CFAP46: variants seen among roughly 807,000 people sequenced by gnomAD.
CFAP46 encodes the protein cilia- and flagella-associated protein 46.
Under a neutral mutation model 325.7 loss-of-function variants are expected in CFAP46, and 245 were observed. The observed-to-expected ratio is 0.75, with a 90% CI of 0.68 to 0.84. The LOEUF (loss-of-function observed/expected upper bound fraction) is 0.84, where lower values mean the gene tolerates loss of function less well. CFAP46 is among the 40% of genes least tolerant of loss of function. CFAP46 has a pLI of 0.00. For missense variants in CFAP46, 3,346 were observed against 3,543.0 expected, an observed-to-expected ratio of 0.94 and a Z score of 1.41; for synonymous variants, 1,523 against 1,495.9, an observed-to-expected ratio of 1.02 and a Z score of -0.42.
chr10:132,821,186 G>A (rs1395468490), intron 50 of CFAP46, among the ~76,000 whole-genome samples: 1 of 139,364 alleles, frequency 7.2e-6, no homozygotes, highest in East Asian at 2.2e-4. Context: ...TGTGTGCTGT[G>A]TGTGCTGTGT....
rs1850056186 is a variant in CFAP46 at position 132,938,897 on chromosome 10, G to A, written c.372-144C>T. ...AGCAGATGGCAGCAGCCCCACCTGA[G>A]AAGCTTTGGCCCAGCCTGCAGGAGC... On this transcript the variant is annotated intron_variant, in intron 4 of 57. Coordinates refer to ENST00000368586, the MANE Select transcript of CFAP46 (RefSeq NM_001200049.3). The A allele has an allele frequency of 4.3e-6, 3 of 700,840 alleles. No individual in the cohort carries two copies. The East Asian group carries it at 8.3e-5, about 19-fold the overall frequency. The allele number at this position is 700,840 out of a possible 1,614,324, so 43.4% of individuals were successfully genotyped here. A position where few individuals can be genotyped will look rare whatever the true frequency, so the allele number is the denominator to read the frequency against.
rs187960523 is a variant in CFAP46 at position 132,839,531 on chromosome 10, A to C, written c.6439-2617T>G. Among the ~76,000 whole-genome samples, 3 of 151,938 alleles carry C rather than the reference A, an allele frequency of 2.0e-5. No homozygotes were observed. In the East Asian group the frequency reaches 5.8e-4, roughly 29 times the overall value. On this transcript the variant is annotated intron_variant, in intron 44 of 57. Coordinates refer to ENST00000368586, the MANE Select transcript of CFAP46 (RefSeq NM_001200049.3). ...TTTCTTTTCAGTCTTTCTACATGTTATTTCTTTTTCTAGTCATATTGTTCT... is the reference window on the plus strand; with the variant it reads ...TTTCTTTTCAGTCTTTCTACATGTTCTTTCTTTTTCTAGTCATATTGTTCT...
intron 9 of CFAP46, 79 bp from the exon 10 acceptor site, chr10:132,926,745 T>C (rs1849817130): frequency 2.9e-6 from 3 of 1,026,606 alleles, no homozygotes; most frequent in Non-Finnish European, 4.4e-6. Flanking sequence ...TTCAAAGGCA[T>C]TTAAAATATT....
At chr10:132,870,415 G>T (rs185157668) in intron 32 of CFAP46, among the ~76,000 whole-genome samples, 1 of 152,150 alleles carries the variant, frequency 6.6e-6, no homozygotes, top group African/African-American at 2.4e-5. Flanking sequence ...AGGAAAGCGC[G>T]TCAGAAGTGG....
chr10:132,821,432 CTGTG>C (rs931466789), intron 50 of CFAP46, among the ~76,000 whole-genome samples: 1 of 122,252 alleles, frequency 8.2e-6, no homozygotes, highest in Admixed American at 8.6e-5. Context: ...CTGATGTGTG[CTGTG>C]TGAGTGCTGA....
intron 45 of CFAP46, among the ~76,000 whole-genome samples, 157 bp from the exon 46 acceptor site, chr10:132,836,375 C>A (rs536106937): frequency 6.6e-6 from 1 of 152,172 alleles, no homozygotes; most frequent in African/African-American, 2.4e-5. Flanking sequence ...AGGGGCACCG[C>A]TGGGTGTGCA....
intron 53 of CFAP46, 92 bp from the exon 54 acceptor site, chr10:132,814,346 G>A: frequency 8.7e-7 from 1 of 1,149,364 alleles, no homozygotes; most frequent in East Asian, 2.5e-5. Context: ...CACAGCGAAT[G>A]CAGGCGCATA....
In CFAP46 at chr10:132,847,334, T is replaced by C; in HGVS notation, c.5953-13A>G. Reference sequence around the variant, plus strand: ...GCTTGGCGCCCACCTGTGACACACATTGCAGGTTGGCAGACACTTCTGGGT... The same window carrying C: ...GCTTGGCGCCCACCTGTGACACACACTGCAGGTTGGCAGACACTTCTGGGT... On this transcript the variant is annotated splice_polypyrimidine_tract_variant and intron_variant, in intron 41 of 57. Transcript: ENST00000368586. This position sits in a 1 kb window ranked among gnomAD's most constrained non-coding sequence, Gnocchi z 5.2. 2 of 1,613,196 alleles carry C rather than the reference T, an allele frequency of 1.2e-6. No individual in the cohort carries two copies. Among genetic ancestry groups the C allele is most frequent in the South Asian group, 1.1e-5 (1 of 91,038 alleles).
intron 25 of CFAP46, among the ~76,000 whole-genome samples, chr10:132,887,805 TC>T: frequency 1.5e-5 from 1 of 68,172 alleles, no homozygotes; most frequent in Non-Finnish European, 2.8e-5. Context: ...CCCTCTTCTC[TC>T]CTCTCCCCTC....
chr10:132,861,836 C>T (rs1353995688), intron 35 of CFAP46, among the ~76,000 whole-genome samples: 2 of 152,200 alleles, frequency 1.3e-5, no homozygotes, highest in East Asian at 1.9e-4. Flanking sequence ...CCAGGTGTAG[C>T]TGCAGGTGTG....
At chr10:132,841,625 C>G (rs1848346535) in intron 44 of CFAP46, among the ~76,000 whole-genome samples, 1 of 151,970 alleles carries the variant, frequency 6.6e-6, no homozygotes, top group South Asian at 2.1e-4. Context: ...TCAATGGCAT[C>G]CTTTGAAATC....
At chr10:132,913,537 T>G (rs1849588204) in intron 17 of CFAP46, among the ~76,000 whole-genome samples, 1 of 152,224 alleles carries the variant, frequency 6.6e-6, no homozygotes, top group South Asian at 2.1e-4. Context: ...CGCGTGCTCC[T>G]TGCGAGAATT....
At chr10:132,885,470 A>C (rs935499269) in intron 26 of CFAP46, among the ~76,000 whole-genome samples, 184 bp from the exon 27 acceptor site, 1 of 151,774 alleles carries the variant, frequency 6.6e-6, no homozygotes, top group African/African-American at 2.4e-5. Context: ...CCTCGGGGCT[A>C]TGCAGGGTTT....
intron 44 of CFAP46, among the ~76,000 whole-genome samples, chr10:132,837,931 A>ACAGACACGCACGTG (rs1848291266): frequency 7.0e-6 from 1 of 142,214 alleles, no homozygotes; most frequent in Admixed American, 6.9e-5. Context: ...ACACGCAGAC[A>ACAGACACGCACGTG]TGCACGGACA....
rs771789914 is a variant in CFAP46 at position 132,808,665 on chromosome 10, G to A, written c.7904C>T (p.Pro2635Leu). Residue 2635 changes from proline to leucine, a missense_variant, in exon 58 of 58, where the codon CCC (proline) becomes CTC (leucine). By Grantham distance (98) the Pro-to-Leu change is moderately conservative. Coordinates refer to ENST00000368586, the MANE Select transcript of CFAP46 (RefSeq NM_001200049.3). The surrounding 1 kb of genome is among the most constrained non-coding windows in gnomAD (Gnocchi z 6.8). Reference protein sequence around the residue: ...APIPSSQLALPFLGLSPALGA... With the variant: ...APIPSSQLALLFLGLSPALGA... Reference sequence around the variant, plus strand: ...AAGGGCTGGGGAGAGGCCCAGGAAGGGGAGAGCGAGCTGGGAGCTGGGGAT... The same window carrying A: ...AAGGGCTGGGGAGAGGCCCAGGAAGAGGAGAGCGAGCTGGGAGCTGGGGAT... 1.3e-6 allele frequency: 2 copies of A among 1,587,088 alleles called. No individual in the cohort carries two copies. The highest frequency in any genetic ancestry group is 2.2e-5 in the South Asian group (2 of 89,008).
chr10:132,853,530 T>C lies in CFAP46; in HGVS notation c.5575-2225A>G, dbSNP rs150312380. Among the ~76,000 whole-genome samples, 537 of 152,326 alleles carry C rather than the reference T, an allele frequency of 3.5e-3. 7 individuals are homozygous for C. Among genetic ancestry groups the C allele is most frequent in the African/African-American group, 0.012 (515 of 41,582 alleles). On this transcript the variant is annotated intron_variant, in intron 39 of 57. Coordinates refer to ENST00000368586, the MANE Select transcript of CFAP46 (RefSeq NM_001200049.3). ...TGGTATCAAGGTAATATTTGTATCATAGAAAAAGTGGGATGTATTCTCTCC... is the reference window on the plus strand; with the variant it reads ...TGGTATCAAGGTAATATTTGTATCACAGAAAAAGTGGGATGTATTCTCTCC...
chr10:132,856,666 T>A (rs1848646949), intron 39 of CFAP46, among the ~76,000 whole-genome samples: 1 of 152,370 alleles, frequency 6.6e-6, no homozygotes, highest in South Asian at 2.1e-4. Flanking sequence ...TCCTTTTACA[T>A]CTTCACCATT....
intron 45 of CFAP46, among the ~76,000 whole-genome samples, chr10:132,836,487 G>A (rs1848249711): frequency 6.6e-6 from 1 of 152,242 alleles, no homozygotes; most frequent in Admixed American, 6.5e-5. Context: ...CCGCCGGCTG[G>A]CTCCAGGCCA....
At chr10:132,897,697 C>T (rs1849337143) in intron 24 of CFAP46, among the ~76,000 whole-genome samples, 1 of 152,222 alleles carries the variant, frequency 6.6e-6, no homozygotes. Flanking sequence ...CTTGGCTTGC[C>T]TCCGTACTCT....
Sources: allele counts gnomAD v4.1 joint callset (sites outside exome capture counted in the v4.1 genomes callset), GRCh38; gene constraint gnomAD v4.1.1; non-coding constraint Gnocchi (gnomAD v3.1); transcripts MANE v1.5; gene names NCBI Gene and HGNC (gene_info 2026-07-23, HGNC 2026-07-21).